The following PLEKHN1 variants were observed in gnomAD, a reference collection of about 807,000 sequenced individuals.
PLEKHN1 encodes the protein pleckstrin homology domain containing N1, also known as pleckstrin homology domain-containing family N member 1.
In PLEKHN1, 68 loss-of-function variants were observed where a neutral mutation model predicts 72.8. The observed-to-expected ratio is 0.93, with a 90% CI of 0.77 to 1.14. The LOEUF (loss-of-function observed/expected upper bound fraction) is 1.14, where lower values mean the gene tolerates loss of function less well. PLEKHN1 is among the 50% of genes most tolerant of loss of function. The pLI is 0.00. For synonymous variants in PLEKHN1, 454 were observed against 371.6 expected (o/e 1.22, Z -2.55); for missense variants, 1,015 against 840.5 (o/e 1.21, Z -2.57).
Position 966,696 on chromosome 1 carries a change from G to A in PLEKHN1, c.84-8G>A. On this transcript the variant is annotated splice_region_variant and splice_polypyrimidine_tract_variant and intron_variant, in intron 1 of 15. Transcript: ENST00000379410. ...GCCAAGCCACGAGACCCCTTGCCTT[G>A]TCCCCAGAGAGGACAGCGCGCGGAT... The A allele has an allele frequency of 6.3e-7, 1 of 1,579,482 alleles. No individual in the cohort carries two copies. Among genetic ancestry groups the A allele is most frequent in the Non-Finnish European group, 8.6e-7 (1 of 1,162,690 alleles).
Position 974,565 on chromosome 1 carries a change from A to G in PLEKHN1, c.1826A>G (p.Gln609Arg). The change falls in exon 16 of 16, where the codon CAG becomes CGG. Residue 609 changes from glutamine (Q) to arginine (R), a missense_variant. Physicochemically the swap from Gln to Arg is conservative, Grantham distance 43. Coordinates refer to ENST00000379410, the MANE Select transcript of PLEKHN1 (RefSeq NM_032129.3). ...CCTGAGGCCAGTGGGGGGCTTGTGC[A>G]GTGGATCTGATGGCCGCGGTGAGGT... ...GGPEASGGLV[Q>R]WI The G allele has an allele frequency of 1.2e-6, 2 of 1,611,418 alleles. No homozygotes were observed. The highest frequency in any genetic ancestry group is 8.5e-7 in the Non-Finnish European group (1 of 1,179,394).
Position 971,013 on chromosome 1 carries a change from G to A in PLEKHN1, c.612+7G>A, listed in dbSNP as rs766638343. The stretch of plus-strand genomic sequence containing the variant: ...CCACTCGGCACCCCCACAGGTCAGT[G>A]CCGGGGACCCCACCCCCCTCCCCAC... On this transcript the variant is annotated splice_region_variant and intron_variant, in intron 6 of 15. Transcript: ENST00000379410. The A allele has an allele frequency of 6.3e-6, 10 of 1,597,414 alleles. No individual in the cohort carries two copies. In the African/African-American group the frequency reaches 8.0e-5, roughly 13 times the overall value.
At position 972,989 on chromosome 1, in the gene PLEKHN1, C is replaced by T; in HGVS notation, c.1131C>T (p.Gly377=). 1 of 1,596,806 alleles carries T rather than the reference C, an allele frequency of 6.3e-7. No homozygotes were observed. The highest frequency in any genetic ancestry group is 8.5e-7 in the Non-Finnish European group (1 of 1,171,682). Residue 377 remains glycine, a synonymous_variant, in exon 11 of 16, where the codon GGC becomes GGT. Transcript: ENST00000379410. ...AGTCCTCAGTGCCATCCACCGTGGG[C>T]TGCTCCTCCCAGCACACACCGGTGA... The part of the protein sequence containing the change: ...LPESSVPSTV[G]CSSQHTPDQA...
At chr1:972,740 T>C in intron 10 of PLEKHN1, 121 bp from the exon 11 acceptor site, 1 of 1,262,898 alleles carries the variant, frequency 7.9e-7, no homozygotes, top group Non-Finnish European at 1.0e-6. Context: ...TACTGCAGCC[T>C]GGGCGACAGA....
At chr1:968,108 C>A (rs1643106005) in intron 2 of PLEKHN1, among the ~76,000 whole-genome samples, 1 of 152,250 alleles carries the variant, frequency 6.6e-6, no homozygotes, top group Non-Finnish European at 1.5e-5. Flanking sequence ...AGCTGTGTGG[C>A]CCTTCCTGGT....
In PLEKHN1 at chr1:973,326, G is replaced by C; in HGVS notation, c.1293G>C (p.Gln431His). ...PVTPLHLDLT[Q>H]LHRLSLESSP... ...CCCCACTGCACCTGGACCTGACCCAGGTGGGCCCAGCACACCCACACAGCC... is the reference window on the plus strand; with the variant it reads ...CCCCACTGCACCTGGACCTGACCCACGTGGGCCCAGCACACCCACACAGCC... Residue 431 changes from glutamine (Q) to histidine (H), a missense_variant and splice_region_variant, in exon 12 of 16, where the codon CAG (glutamine) becomes CAC (histidine). Coordinates refer to ENST00000379410, the MANE Select transcript of PLEKHN1 (RefSeq NM_032129.3). 1.3e-6 allele frequency: 2 copies of C among 1,548,228 alleles called. No homozygotes were observed. Among genetic ancestry groups the C allele is most frequent in the South Asian group, 1.2e-5 (1 of 84,660 alleles).
intron 2 of PLEKHN1, 73 bp downstream of exon 2, chr1:966,876 G>A: frequency 6.9e-7 from 1 of 1,458,412 alleles, no homozygotes; most frequent in Non-Finnish European, 9.2e-7. Flanking sequence ...GTGTGTCCGT[G>A]CAGCTCAGGG....
At chr1:971,814 GC>G (rs1302056463) in intron 8 of PLEKHN1, among the ~76,000 whole-genome samples, 1 of 152,226 alleles carries the variant, frequency 6.6e-6, no homozygotes, top group Non-Finnish European at 1.5e-5. Context: ...GGTTCACCCG[GC>G]CCAACTTCTT....
chr1:972,794 G>C, intron 10 of PLEKHN1, 67 bp from the exon 11 acceptor site: 1 of 1,459,616 alleles, frequency 6.9e-7, no homozygotes, highest in African/African-American at 1.4e-5. Context: ...ACAGCACGGT[G>C]GGTCCAGGCA....
chr1:972,266 C>A (rs1318528516), intron 9 of PLEKHN1, 22 bp from the exon 10 acceptor site: 1 of 1,607,500 alleles, frequency 6.2e-7, no homozygotes, highest in Admixed American at 1.7e-5. Flanking sequence ...CCCGCCAGCC[C>A]CTCACAGCAT....
intron 8 of PLEKHN1, 25 bp from the exon 9 acceptor site, chr1:972,050 C>T (rs773196491): frequency 1.2e-6 from 2 of 1,608,568 alleles, no homozygotes; most frequent in Admixed American, 1.7e-5. Flanking sequence ...CTACAAAGGC[C>T]TGGCCCTCAA....
At chr1:967,032 C>T (rs1007633277) in intron 2 of PLEKHN1, among the ~76,000 whole-genome samples, 1 of 152,130 alleles carries the variant, frequency 6.6e-6, no homozygotes. Context: ...GAGAGCTGGG[C>T]GGGGCGGGCC....
chr1:971,397 G>A lies in PLEKHN1; in HGVS notation c.782G>A (p.Cys261Tyr), dbSNP rs767474010. Residue 261 changes from cysteine to tyrosine, a missense_variant, in exon 8 of 16, where the codon TGC (cysteine) becomes TAC (tyrosine). Coordinates refer to ENST00000379410, the MANE Select transcript of PLEKHN1 (RefSeq NM_032129.3). ...TTCTCCGAGGAGCTGGACGGGCTTT[G>A]CTTCAAGGTGGGCCCCTCCCCACTG... ...AIFSEELDGLCFKGELPLRAV... is the reference protein window; with the variant it reads ...AIFSEELDGLYFKGELPLRAV... 2 of 1,578,982 alleles carry A rather than the reference G, an allele frequency of 1.3e-6. No homozygotes were observed. Among genetic ancestry groups the A allele is most frequent in the South Asian group, 1.2e-5 (1 of 86,626 alleles).
rs1643232504 is a variant in PLEKHN1, at chr1:970,224, AG to A, written c.184-48del. 6.5e-7 allele frequency: 1 copy of A among 1,527,582 alleles called. No individual in the cohort carries two copies. Among genetic ancestry groups the A allele is most frequent in the South Asian group, 1.1e-5 (1 of 88,312 alleles). The allele number at this position is 1,527,582 out of a possible 1,614,324, so 94.6% of individuals were successfully genotyped here. A position where few individuals can be genotyped will look rare whatever the true frequency, so the allele number is the denominator to read the frequency against. ...CCTGTAGCTGTGTGGATGCGAGCGG[AG>A]GGGGTGGGGGGCCCAGGGGAGGCCC... On this transcript the variant is annotated intron_variant, in intron 2 of 15. Coordinates refer to ENST00000379410, the MANE Select transcript of PLEKHN1 (RefSeq NM_032129.3). This position sits in a 1 kb window ranked among gnomAD's most constrained non-coding sequence, Gnocchi z 4.2.
In PLEKHN1 at chr1:972,886, TCTC is replaced by T. The variant is rs764958582; in HGVS notation, c.1032_1034del (p.Ser345del). On this transcript the variant is annotated inframe_deletion, in exon 11 of 16. Coordinates refer to ENST00000379410, the MANE Select transcript of PLEKHN1 (RefSeq NM_032129.3). ...GTTATGGGCAGTGGCCGAGGCTCACTCTCCTCAGGCGGACAGACCAGCTGGGAC... is the reference window on the plus strand; with the variant it reads ...GTTATGGGCAGTGGCCGAGGCTCACTCTCAGGCGGACAGACCAGCTGGGAC... 25 of 1,557,450 alleles carry T rather than the reference TCTC, an allele frequency of 1.6e-5. No individual in the cohort carries two copies. The highest frequency in any genetic ancestry group is 3.6e-4 in the Middle Eastern group (2 of 5,568).
At position 971,026 on chromosome 1, in the gene PLEKHN1, C is replaced by T. The variant is rs755997177; in HGVS notation, c.612+20C>T. On this transcript the variant is annotated intron_variant, in intron 6 of 15. Transcript: ENST00000379410. ...CCACAGGTCAGTGCCGGGGACCCCA[C>T]CCCCCTCCCCACCCTGATCCTCGCA... The T allele has an allele frequency of 2.0e-4, 181 of 891,262 alleles. No homozygotes were observed. The highest frequency in any genetic ancestry group is 3.4e-4 in the Non-Finnish European group (179 of 532,128). 55.2% of individuals were successfully genotyped at this position (891,262 alleles called of 1,614,324 possible). A position where few individuals can be genotyped will look rare whatever the true frequency, so the allele number is the denominator to read the frequency against.
At chr1:968,096 C>T (rs961597525) in intron 2 of PLEKHN1, among the ~76,000 whole-genome samples, 1 of 152,246 alleles carries the variant, frequency 6.6e-6, no homozygotes, top group Non-Finnish European at 1.5e-5. Context: ...CGCTGCAGGG[C>T]CAGCTGTGTG....
At chr1:967,748 G>A (rs979803343) in intron 2 of PLEKHN1, among the ~76,000 whole-genome samples, 1 of 152,226 alleles carries the variant, frequency 6.6e-6, no homozygotes, top group Non-Finnish European at 1.5e-5. Flanking sequence ...CCTCAGAGGA[G>A]TGGGCAGGGA....
Position 973,544 on chromosome 1 carries a change from C to G in PLEKHN1, c.1338C>G (p.His446Gln), listed in dbSNP as rs1362861631. ...AGAGCAGCCCAGATGCCCCTGACCA[C>G]ACTTCGGAAACATCACACTCGCCCC... ...SLESSPDAPD[H>Q]TSETSHSPLY... The change falls in exon 13 of 16, where the codon CAC (histidine) becomes CAG (glutamine). Residue 446 changes from histidine (H) to glutamine (Q), a missense_variant. By Grantham distance (24) the His-to-Gln change is conservative (BLOSUM62 0). Transcript: ENST00000379410. The G allele has an allele frequency of 6.2e-7, 1 of 1,613,222 alleles. No homozygotes were observed. Among genetic ancestry groups the G allele is most frequent in the Non-Finnish European group, 8.5e-7 (1 of 1,179,986 alleles).
Sources: allele counts gnomAD v4.1 joint callset (sites outside exome capture counted in the v4.1 genomes callset), GRCh38; gene constraint gnomAD v4.1.1; non-coding constraint Gnocchi (gnomAD v3.1); transcripts MANE v1.5; gene names NCBI Gene and HGNC (gene_info 2026-07-23, HGNC 2026-07-21).